CORO2A: variants seen among roughly 807,000 people sequenced by gnomAD.
CORO2A encodes the protein coronin-2A.
Under a neutral mutation model 62.4 loss-of-function variants are expected in CORO2A, and 47 were observed. The observed-to-expected ratio is 0.75, with a 90% CI of 0.60 to 0.96. The LOEUF is 0.96. Ranked by LOEUF, CORO2A falls within the 40% of genes least tolerant of loss-of-function variation. The probability of loss-of-function intolerance (pLI) is 0.00; values close to 1 mark genes in which losing one functional copy is unlikely to be tolerated. For missense variants in CORO2A, 610 were observed against 684.1 expected, an observed-to-expected ratio of 0.89 and a Z score of 1.21; for synonymous variants, 273 against 268.9, an observed-to-expected ratio of 1.02 and a Z score of -0.15.
chr9:98,151,817 T>A (rs796367347), intron 2 of CORO2A, among the ~76,000 whole-genome samples: 1 of 144,504 alleles, frequency 6.9e-6, no homozygotes, highest in African/African-American at 2.7e-5. Context: ...CCGGCTAATT[T>A]TTTTTTTTTT....
At chr9:98,132,623 T>A (rs2118808743) in intron 5 of CORO2A, among the ~76,000 whole-genome samples, 1 of 152,314 alleles carries the variant, frequency 6.6e-6, no homozygotes, top group East Asian at 1.9e-4. Flanking sequence ...TCTTATCTAA[T>A]CCTTGGAGAG....
chr9:98,137,709 G>A (rs767346766), intron 2 of CORO2A, 21 bp from the exon 3 acceptor site: 3 of 1,577,258 alleles, frequency 1.9e-6, no homozygotes, highest in Admixed American at 1.7e-5. Context: ...GTGCCCAGGA[G>A]GGTTGGGGAG....
intron 1 of CORO2A, among the ~76,000 whole-genome samples, chr9:98,192,263 A>T (rs1209877159): frequency 6.6e-6 from 1 of 152,174 alleles, no homozygotes; most frequent in Non-Finnish European, 1.5e-5. Context: ...GGCGGTGCAG[A>T]CAGTGCTCAT....
intron 1 of CORO2A, among the ~76,000 whole-genome samples, chr9:98,185,313 A>G (rs1434145302): frequency 1.3e-5 from 2 of 152,348 alleles, no homozygotes; most frequent in East Asian, 3.9e-4. Context: ...CTCCCCAAGC[A>G]TTAGAAAAAC....
intron 1 of CORO2A, among the ~76,000 whole-genome samples, chr9:98,171,274 A>G (rs1226567325): frequency 6.6e-6 from 1 of 152,160 alleles, no homozygotes; most frequent in Non-Finnish European, 1.5e-5. Flanking sequence ...GCAGGGCTGA[A>G]GCTCTGTAAC....
At chr9:98,190,174 T>C (rs1828290159) in intron 1 of CORO2A, among the ~76,000 whole-genome samples, 1 of 152,234 alleles carries the variant, frequency 6.6e-6, no homozygotes, top group Non-Finnish European at 1.5e-5. Flanking sequence ...CATGAGCCAC[T>C]GTGCCTGGCC....
chr9:98,133,830 T>C (rs547063192), intron 4 of CORO2A, among the ~76,000 whole-genome samples: 1 of 152,348 alleles, frequency 6.6e-6, no homozygotes, highest in South Asian at 2.1e-4. Flanking sequence ...CATGGCTCAC[T>C]GTAGCATCAA....
chr9:98,135,860 C>T (rs547612213), intron 3 of CORO2A, among the ~76,000 whole-genome samples: 5 of 152,258 alleles, frequency 3.3e-5, no homozygotes, highest in South Asian at 2.1e-4. Flanking sequence ...CCAGATACTT[C>T]GGTCTGATGA....
At position 98,132,205 on chromosome 9, in the gene CORO2A, G is replaced by C. The variant is rs200656917; in HGVS notation, c.745C>G (p.Gln249Glu). ...STGTSRWNNR[Q>E]VALWDQDNLS... ...CTCACCTGGTCCCACAAGGCCACCT[G>C]CCGGTTGTTCCATCGGGATGTGCCT... is the stretch of plus-strand genomic sequence containing the variant. The change falls in exon 6 of 12, where the codon CAG becomes GAG. Residue 249 changes from glutamine to glutamate, a missense_variant. By Grantham distance (29) the Gln-to-Glu change is conservative (BLOSUM62 2). Coordinates refer to ENST00000375077, the MANE Select transcript of CORO2A (RefSeq NM_052820.4). The C allele has an allele frequency of 1.4e-5, 23 of 1,614,084 alleles. No homozygotes were observed.
chr9:98,132,345 T>G (rs1380325741), intron 5 of CORO2A, 44 bp from the exon 6 acceptor site: 2 of 1,546,484 alleles, frequency 1.3e-6, no homozygotes, highest in Admixed American at 1.7e-5. Flanking sequence ...CAGTAGAGGA[T>G]CGGGGGCAGC....
At chr9:98,160,014 G>A (rs1827862181) in intron 1 of CORO2A, among the ~76,000 whole-genome samples, 1 of 152,236 alleles carries the variant, frequency 6.6e-6, no homozygotes, top group African/African-American at 2.4e-5. Context: ...GCAAGTCATA[G>A]CGATAAGGGC....
rs1415937767 is a variant in CORO2A at position 98,124,493 on chromosome 9, T to A, written c.*281A>T. The A allele has an allele frequency of 1.2e-5, 3 of 254,670 alleles. No individual in the cohort carries two copies. In the Admixed American group the frequency reaches 1.6e-4, roughly 14 times the overall value. The allele number at this position is 254,670 out of a possible 1,614,324, so 15.8% of individuals were successfully genotyped here. A position where few individuals can be genotyped will look rare whatever the true frequency, so the allele number is the denominator to read the frequency against. On this transcript the variant is annotated 3_prime_UTR_variant, in exon 12 of 12. Coordinates refer to ENST00000375077, the MANE Select transcript of CORO2A (RefSeq NM_052820.4). ...CAGCTCTAGTTTTCTACTGTGTTCT[T>A]TCCTCTTGAGAAGTTACAGCTCATC... is the stretch of plus-strand genomic sequence containing the variant.
At chr9:98,137,392 G>A (rs576287555) in intron 3 of CORO2A, among the ~76,000 whole-genome samples, 180 bp downstream of exon 3, 4 of 152,158 alleles carry the variant, frequency 2.6e-5, no homozygotes, top group East Asian at 3.9e-4. Flanking sequence ...GGGTGGTGCC[G>A]CTAGTCCTAC....
intron 7 of CORO2A, 50 bp from the exon 8 acceptor site, chr9:98,129,940 A>C: frequency 2.8e-4 from 384 of 1,380,460 alleles, no homozygotes; most frequent in Non-Finnish European, 3.7e-4. Context: ...GCTGGAGCTC[A>C]TCAGCTCATC....
intron 2 of CORO2A, among the ~76,000 whole-genome samples, chr9:98,154,329 G>GTATATATATATA (rs61422672): frequency 1.1e-5 from 1 of 88,960 alleles, no homozygotes; most frequent in African/African-American, 5.4e-5. Flanking sequence ...GTGTTTGTGT[G>GTATATATATATA]TATATATATA....
At chr9:98,142,042 T>C (rs1827575751) in intron 2 of CORO2A, among the ~76,000 whole-genome samples, 1 of 152,270 alleles carries the variant, frequency 6.6e-6, no homozygotes, top group African/African-American at 2.4e-5. Context: ...TTTAGCTATG[T>C]AAGTTTTGCA....
At chr9:98,162,106 C>T (rs1827894417) in intron 1 of CORO2A, among the ~76,000 whole-genome samples, 1 of 152,232 alleles carries the variant, frequency 6.6e-6, no homozygotes, top group Admixed American at 6.5e-5. Context: ...CCTTGCTCCC[C>T]CGTTCAGATG....
At chr9:98,186,186 C>G (rs1828236811) in intron 1 of CORO2A, among the ~76,000 whole-genome samples, 1 of 152,162 alleles carries the variant, frequency 6.6e-6, no homozygotes, top group South Asian at 2.1e-4. Context: ...CACCTATCTG[C>G]TCCTGACTGG....
At chr9:98,186,056 C>T (rs1020022286) in intron 1 of CORO2A, among the ~76,000 whole-genome samples, 3 of 152,272 alleles carry the variant, frequency 2.0e-5, no homozygotes, top group Non-Finnish European at 4.4e-5. Context: ...TGCCTGTGGG[C>T]AGGGTCATGC....
Sources: gnomAD v4.1 joint callset for allele counts (sites outside exome capture counted in the v4.1 genomes callset) on GRCh38, gnomAD v4.1.1 for gene constraint, MANE v1.5 for transcripts, NCBI Gene and HGNC (gene_info 2026-07-23, HGNC 2026-07-21) for gene names.